SHOX: variants seen among roughly 807,000 people sequenced by gnomAD.
SHOX encodes short stature homeobox protein.
Under a neutral mutation model 29.6 loss-of-function variants are expected in SHOX, and 12 were observed. The ratio of observed to expected loss-of-function variants is 0.41; its 90% CI spans 0.26 to 0.66. The LOEUF (loss-of-function observed/expected upper bound fraction) is 0.66, where lower values mean the gene tolerates loss of function less well. Among genes scored for constraint, SHOX ranks in the 30% least tolerant of loss-of-function variants. The pLI is 0.35. For missense variants in SHOX, 499 were observed against 437.7 expected, an observed-to-expected ratio of 1.14 and a Z score of -1.25; for synonymous variants, 214 against 200.6, an observed-to-expected ratio of 1.07 and a Z score of -0.57.
At chrX:654,425 C>T (rs1212091044), downstream of SHOX, among the ~76,000 whole-genome samples, 1 of 151,952 alleles carries the variant, frequency 6.6e-6, no homozygotes, top group East Asian at 1.9e-4. Flanking sequence ...TAAGGACTTG[C>T]ATAAACTTAT....
downstream of SHOX, among the ~76,000 whole-genome samples, chrX:652,725 T>C (rs1222106438): frequency 2.0e-5 from 3 of 152,176 alleles, no homozygotes; most frequent in Non-Finnish European, 4.4e-5. Context: ...AAAGTGCAAC[T>C]TGACCGTTCC....
In SHOX at chrX:646,634, C is replaced by G. The variant is rs756001928; in HGVS notation, c.*1998C>G. ...CCATTTGGACCCGTCTCATTTGTAT[C>G]TTCTGATATTCTTTATACAAACCAA... On this transcript the variant is annotated 3_prime_UTR_variant, in exon 5 of 5. Transcript: ENST00000686671. The G allele has an allele frequency of 1.3e-5, 2 of 152,058 alleles. No individual in the cohort carries two copies. Among genetic ancestry groups the G allele is most frequent in the East Asian group, 1.9e-4 (1 of 5,180 alleles). The allele number at this position is 152,058 out of a possible 1,614,324, so 9.4% of individuals were successfully genotyped here.
chrX:634,569 G>A (rs1235268030), intron 1 of SHOX, 49 bp from the exon 2 acceptor site: 8 of 1,600,458 alleles, frequency 5.0e-6, no homozygotes, highest in Admixed American at 3.4e-5. Context: ...TCGCCACGTT[G>A]CGCAAAACCT....
intron 2 of SHOX, among the ~76,000 whole-genome samples, chrX:635,620 C>T (rs143860312): frequency 0.13 from 19,967 of 152,232 alleles, 1,407 homozygotes; most frequent in Non-Finnish European, 0.15. Context: ...TCACGCTGCC[C>T]CATGAGACCA....
intron 2 of SHOX, 80 bp downstream of exon 2, chrX:634,906 T>C: frequency 7.0e-7 from 1 of 1,431,964 alleles, no homozygotes; most frequent in Non-Finnish European, 9.4e-7. Flanking sequence ...TACAGCCACC[T>C]GCGCCCGGGC....
chrX:652,339 A>ATTT (rs1220969889), downstream of SHOX, among the ~76,000 whole-genome samples: 480 of 87,142 alleles, frequency 5.5e-3, 1 homozygote, highest in Non-Finnish European at 9.0e-3. Context: ...AAAAATGACA[A>ATTT]ATTTTTTTTT....
intron 2 of SHOX, among the ~76,000 whole-genome samples, chrX:635,058 T>A (rs927381459): frequency 6.6e-6 from 1 of 152,012 alleles, no homozygotes; most frequent in Non-Finnish European, 1.5e-5. Flanking sequence ...TATATACATA[T>A]ATATTATACA....
intron 5 of SHOX, among the ~76,000 whole-genome samples, chrX:656,703 C>T (rs887561979): frequency 1.3e-5 from 2 of 151,736 alleles, no homozygotes; most frequent in Admixed American, 6.6e-5. Context: ...ATTAGCCGGG[C>T]GTGGTGGCGG....
intron 2 of SHOX, among the ~76,000 whole-genome samples, chrX:636,803 T>TAACATATATATACATATAAAAATATA (rs2052767154): frequency 7.0e-6 from 1 of 143,408 alleles, no homozygotes; most frequent in African/African-American, 2.5e-5. Flanking sequence ...ATATATATAT[T>TAACATATATATACATATAAAAATATA]TTTGGCCCCT....
At chrX:633,269 T>G (rs1018821726) in intron 1 of SHOX, among the ~76,000 whole-genome samples, 1 of 152,050 alleles carries the variant, frequency 6.6e-6, no homozygotes, top group African/African-American at 2.4e-5. Context: ...CCTGCGGGTG[T>G]TTGAGGACTT....
chrX:634,945 G>A, intron 2 of SHOX, 119 bp downstream of exon 2: 1 of 1,044,052 alleles, frequency 9.6e-7, no homozygotes, highest in Admixed American at 2.6e-5. Flanking sequence ...GGAGCGCGGG[G>A]AGGTTGGGTG....
chrX:638,256 A>AC (rs772911247), intron 2 of SHOX, among the ~76,000 whole-genome samples: 1 of 147,996 alleles, frequency 6.8e-6, no homozygotes, highest in Admixed American at 6.8e-5. Flanking sequence ...ATTCTTCATC[A>AC]TTTTTTTTTT....
upstream of SHOX, among the ~76,000 whole-genome samples, chrX:628,135 CTCTA>C (rs750294333): frequency 4.3e-4 from 15 of 35,256 alleles, no homozygotes; most frequent in East Asian, 7.2e-3. Flanking sequence ...CTCTCTGTAT[CTCTA>C]TCTGTGTCTC....
chrX:631,267 A>C, intron 1 of SHOX, 93 bp downstream of exon 1: 1 of 1,474,690 alleles, frequency 6.8e-7, no homozygotes. Context: ...CTCGCTGTGC[A>C]CATTTGCAGC....
chrX:630,285 C>T (rs1416353979), upstream of SHOX, among the ~76,000 whole-genome samples: 2 of 133,202 alleles, frequency 1.5e-5, no homozygotes, highest in African/African-American at 5.4e-5. Context: ...CTCCCAAGAT[C>T]GTGCGTCCCC....
At position 634,662 on chromosome X, in the gene SHOX, G is replaced by T; in HGVS notation, c.322G>T (p.Asp108Tyr). ...GAAGCGCGAGGACGTGAAGTCGGAG[G>T]ACGAGGACGGGCAGACCAAGCTGAA... ...KEKREDVKSE[D>Y]EDGQTKLKQR... Residue 108 changes from aspartate to tyrosine, a missense_variant, in exon 2 of 5, where the codon GAC becomes TAC. Physicochemically the swap from Asp to Tyr is radical, Grantham distance 160. Coordinates refer to ENST00000686671, the MANE Select transcript of SHOX (RefSeq NM_000451.4). 1 of 1,613,902 alleles carries T rather than the reference G, an allele frequency of 6.2e-7. No homozygotes were observed. The highest frequency in any genetic ancestry group is 8.5e-7 in the Non-Finnish European group (1 of 1,179,874).
At chrX:639,851 A>G (rs1476010755) in intron 2 of SHOX, among the ~76,000 whole-genome samples, 1 of 141,066 alleles carries the variant, frequency 7.1e-6, no homozygotes, top group Non-Finnish European at 1.5e-5. Flanking sequence ...AAATACGAAA[A>G]TTAGCCAGGC....
chrX:633,740 C>T (rs1375743310), intron 1 of SHOX, among the ~76,000 whole-genome samples: 1 of 152,040 alleles, frequency 6.6e-6, no homozygotes, highest in South Asian at 2.1e-4. Flanking sequence ...GAGATAGGAA[C>T]AGAGGGGCGT....
At chrX:653,746 G>A (rs1390827765), downstream of SHOX, among the ~76,000 whole-genome samples, 3 of 152,066 alleles carry the variant, frequency 2.0e-5, no homozygotes, top group Admixed American at 1.3e-4. Context: ...AAAAAGCCAC[G>A]GACTTCGCCT....
Sources: gnomAD v4.1 joint callset for allele counts (sites outside exome capture counted in the v4.1 genomes callset) on GRCh38, gnomAD v4.1.1 for gene constraint, MANE v1.5 for transcripts, NCBI Gene and HGNC (gene_info 2026-07-23, HGNC 2026-07-21) for gene names.